Variants in AVPR1B observed in about 807,000 individuals in gnomAD.
The protein encoded by AVPR1B is arginine vasopressin receptor 1B.
Under a neutral mutation model 27.5 loss-of-function variants are expected in AVPR1B, and 25 were observed. The ratio of observed to expected loss-of-function variants is 0.91; its 90% CI spans 0.66 to 1.27. AVPR1B has a LOEUF of 1.27. AVPR1B is among the 50% of genes most tolerant of loss of function. The probability of loss-of-function intolerance (pLI) is 0.00; values close to 1 mark genes in which losing one functional copy is unlikely to be tolerated. For synonymous variants in AVPR1B, 248 were observed against 240.2 expected, an observed-to-expected ratio of 1.03 and a Z score of -0.30; for missense variants, 595 against 556.9, an observed-to-expected ratio of 1.07 and a Z score of -0.69.
At chr1:206,113,467 G>A (rs28588803) in intron 1 of AVPR1B, among the ~76,000 whole-genome samples, 21,867 of 152,230 alleles carry the variant, frequency 0.14, 1,853 homozygotes, top group African/African-American at 0.23. Context: ...CACATTGTCT[G>A]TAAGATAACC....
At chr1:206,115,808 A>C in intron 1 of AVPR1B, 143 bp downstream of exon 1, 1 of 720,710 alleles carries the variant, frequency 1.4e-6, no homozygotes, top group Non-Finnish European at 2.1e-6. Flanking sequence ...GCCCCTTTTC[A>C]CTTGGAGCAG....
rs1571880195 is a variant in AVPR1B, at chr1:206,108,315, G to T, written c.*1874C>A. ...GGGTCCTCCCATCTGCCTGAGCCTT[G>T]GTCCCATTAGGGTCTCACTCTCCAG... On this transcript the variant is annotated 3_prime_UTR_variant, in exon 2 of 2. Transcript: ENST00000367126. 6.6e-6 allele frequency among the ~76,000 whole-genome samples: 1 copy of T among 152,324 alleles called. No homozygotes were observed. The highest frequency in any genetic ancestry group is 1.9e-4 in the East Asian group (1 of 5,184).
Position 206,116,108 on chromosome 1 carries a change from C to T in AVPR1B, c.783G>A (p.Gly261=). The T allele has an allele frequency of 6.2e-7, 1 of 1,614,240 alleles. No homozygotes were observed. The highest frequency in any genetic ancestry group is 1.1e-5 in the South Asian group (1 of 91,092). The part of the protein sequence containing the change: ...SPSTLAATTR[G]LPSRVSSINT... ...TGATGCTGCTGACCCGAGATGGCAG[C>T]CCCCGAGTGGTGGCAGCTAAGGTGG... Residue 261 remains glycine, a synonymous_variant, in exon 1 of 2, where the codon GGG becomes GGA. Coordinates refer to ENST00000367126, the MANE Select transcript of AVPR1B (RefSeq NM_000707.5).
At position 206,116,157 on chromosome 1, in the gene AVPR1B, C is replaced by T; in HGVS notation, c.734G>A (p.Arg245Lys). 1 of 1,614,004 alleles carries T rather than the reference C, an allele frequency of 6.2e-7. No homozygotes were observed. Among genetic ancestry groups the T allele is most frequent in the Non-Finnish European group, 8.5e-7 (1 of 1,179,962 alleles). The part of the protein sequence containing the change: ...QAWRVGGGGW[R>K]TWDRPSPSTL... ...GGAAGGTGAGGGCCTGTCCCAAGTCCTCCAGCCCCCTCCTCCCACCCGCCA... is the reference window on the plus strand; with the variant it reads ...GGAAGGTGAGGGCCTGTCCCAAGTCTTCCAGCCCCCTCCTCCCACCCGCCA... Residue 245 changes from arginine (R) to lysine (K), a missense_variant, in exon 1 of 2, where the codon AGG (arginine) becomes AAG (lysine). Transcript: ENST00000367126.
At position 206,116,486 on chromosome 1, in the gene AVPR1B, A is replaced by T. The variant is rs782594136; in HGVS notation, c.405T>A (p.Ala135=). The part of the protein sequence containing the change: ...LLAMTLDRYL[A]VCHPLRSLQQ... ...GGAGGCTGCGCAGGGGGTGACAGACAGCCAGGTAGCGGTCCAGCGTCATGG... is the reference window on the plus strand; with the variant it reads ...GGAGGCTGCGCAGGGGGTGACAGACTGCCAGGTAGCGGTCCAGCGTCATGG... The change falls in exon 1 of 2, where the codon GCT becomes GCA. Residue 135 remains alanine (A), a synonymous_variant. Transcript: ENST00000367126. 6.2e-7 allele frequency: 1 copy of T among 1,614,018 alleles called. No homozygotes were observed. The highest frequency in any genetic ancestry group is 8.5e-7 in the Non-Finnish European group (1 of 1,179,990).
At position 206,116,708 on chromosome 1, in the gene AVPR1B, C is replaced by T. The variant is rs201263168; in HGVS notation, c.183G>A (p.Gln61=). Residue 61 remains glutamine, a synonymous_variant, in exon 1 of 2, where the codon CAG becomes CAA. Transcript: ENST00000367126. ...GCATGCGGGAGCGCTTGCGGCCCAGCTGGCCCAGGGTCAGCAGCACAGCCA... is the reference window on the plus strand; with the variant it reads ...GCATGCGGGAGCGCTTGCGGCCCAGTTGGCCCAGGGTCAGCAGCACAGCCA... The part of the protein sequence containing the change: ...GNLAVLLTLG[Q]LGRKRSRMHL... The T allele has an allele frequency of 1.2e-5, 20 of 1,608,526 alleles. No individual in the cohort carries two copies. The highest frequency in any genetic ancestry group is 1.7e-5 in the Non-Finnish European group (20 of 1,176,924).
Position 206,109,343 on chromosome 1 carries a change from G to A in AVPR1B, c.*846C>T, listed in dbSNP as rs1187736963. On this transcript the variant is annotated 3_prime_UTR_variant, in exon 2 of 2. Coordinates refer to ENST00000367126, the MANE Select transcript of AVPR1B (RefSeq NM_000707.5). ...GGAAAGAGCAGGCTGGATTCCCTGG[G>A]GGGTGGGTTGGGGAAAGGAGGGAGG... Among the ~76,000 whole-genome samples the A allele has an allele frequency of 6.6e-6, 1 of 152,090 alleles. No individual in the cohort carries two copies. Among genetic ancestry groups the A allele is most frequent in the Non-Finnish European group, 1.5e-5 (1 of 67,986 alleles).
chr1:206,115,505 A>G (rs1194841718), intron 1 of AVPR1B, among the ~76,000 whole-genome samples: 18 of 152,302 alleles, frequency 1.2e-4, no homozygotes, highest in African/African-American at 4.3e-4. Context: ...CAGGGTTTTC[A>G]TGTGCCAACC....
intron 1 of AVPR1B, among the ~76,000 whole-genome samples, chr1:206,111,375 T>A (rs1663373705): frequency 2.6e-5 from 4 of 152,202 alleles, no homozygotes; most frequent in Admixed American, 2.6e-4. Context: ...GAAACCCTCA[T>A]GTCAGCAGGA....
chr1:206,115,772 C>T (rs961397984), intron 1 of AVPR1B, among the ~76,000 whole-genome samples, 179 bp downstream of exon 1: 18 of 152,184 alleles, frequency 1.2e-4, no homozygotes, highest in Admixed American at 3.9e-4. Flanking sequence ...GACATGGCAT[C>T]GGTAGGCTGA....
In AVPR1B at chr1:206,116,932, G is replaced by T. The variant is rs782388449; in HGVS notation, c.-42C>A. ...GAGGGAAGGATGAAGGGAGGGTGTG[G>T]ATGCAAGTGGAGAGGTTTGATGGAT... On this transcript the variant is annotated 5_prime_UTR_variant, in exon 1 of 2. Coordinates refer to ENST00000367126, the MANE Select transcript of AVPR1B (RefSeq NM_000707.5). 6.5e-7 allele frequency: 1 copy of T among 1,533,578 alleles called. No homozygotes were observed. Among genetic ancestry groups the T allele is most frequent in the South Asian group, 1.2e-5 (1 of 82,332 alleles). The allele number at this position is 1,533,578 out of a possible 1,614,324, so 95.0% of individuals were successfully genotyped here.
intron 1 of AVPR1B, 109 bp from the exon 2 acceptor site, chr1:206,110,632 G>T: frequency 3.2e-6 from 3 of 941,884 alleles, no homozygotes; most frequent in Non-Finnish European, 4.7e-6. Flanking sequence ...GTCCTAGAGA[G>T]GGGAAAGGAG....
rs1663342429 is a variant in AVPR1B at position 206,109,939 on chromosome 1, G to C, written c.*250C>G. ...CATGGACACCCTATGAATATGGCAG[G>C]ACCAGGGAGACAGGCAGTTTGATTC... On this transcript the variant is annotated 3_prime_UTR_variant, in exon 2 of 2. Transcript: ENST00000367126. 1 of 537,634 alleles carries C rather than the reference G, an allele frequency of 1.9e-6. No individual in the cohort carries two copies. The highest frequency in any genetic ancestry group is 1.9e-5 in the African/African-American group (1 of 52,866). 33.3% of individuals were successfully genotyped at this position (537,634 alleles called of 1,614,324 possible).
intron 1 of AVPR1B, among the ~76,000 whole-genome samples, chr1:206,115,392 C>T (rs544878590): frequency 2.6e-5 from 4 of 152,180 alleles, no homozygotes; most frequent in Non-Finnish European, 5.9e-5. Context: ...ATTCTTTGTT[C>T]GTGGCACCAA....
chr1:206,110,148 C>A lies in AVPR1B; in HGVS notation c.*41G>T, dbSNP rs533120854. 5 of 1,554,204 alleles carry A rather than the reference C, an allele frequency of 3.2e-6. No individual in the cohort carries two copies. Among genetic ancestry groups the A allele is most frequent in the Non-Finnish European group, 3.5e-6 (4 of 1,147,908 alleles). On this transcript the variant is annotated 3_prime_UTR_variant, in exon 2 of 2. Coordinates refer to ENST00000367126, the MANE Select transcript of AVPR1B (RefSeq NM_000707.5). Reference sequence around the variant, plus strand: ...GTGCCCGAGGTGGGCAGAGAACCTCCACTAGTCCTGGGGGCAGTACCAGAC... The same window carrying A: ...GTGCCCGAGGTGGGCAGAGAACCTCAACTAGTCCTGGGGGCAGTACCAGAC...
Position 206,116,478 on chromosome 1 carries a change from TGACA to T in AVPR1B, c.409_412del (p.Cys137ThrfsTer40), listed in dbSNP as rs1370299695. On this transcript the variant is annotated frameshift_variant, in exon 1 of 2. Transcript: ENST00000367126. LOFTEE classifies it high-confidence loss of function. Reference sequence around the variant, plus strand: ...TGGCTGCTGGAGGCTGCGCAGGGGGTGACAGACAGCCAGGTAGCGGTCCAGCGTC... The same window carrying T: ...TGGCTGCTGGAGGCTGCGCAGGGGGTGACAGCCAGGTAGCGGTCCAGCGTC... The T allele has an allele frequency of 3.7e-6, 6 of 1,613,184 alleles. No individual in the cohort carries two copies. Among genetic ancestry groups the T allele is most frequent in the Non-Finnish European group, 5.1e-6 (6 of 1,179,862 alleles).
intron 1 of AVPR1B, among the ~76,000 whole-genome samples, chr1:206,112,786 G>A (rs782610529): frequency 6.6e-6 from 1 of 152,198 alleles, no homozygotes; most frequent in Admixed American, 6.5e-5. Flanking sequence ...ACCACACCCA[G>A]CCTGGCACCA....
rs1027507109 is a variant in AVPR1B at position 206,109,000 on chromosome 1, C to T, written c.*1189G>A. Among the ~76,000 whole-genome samples the T allele has an allele frequency of 6.6e-5, 10 of 152,236 alleles. No individual in the cohort carries two copies. Among genetic ancestry groups the T allele is most frequent in the Non-Finnish European group, 1.0e-4 (7 of 68,040 alleles). ...CCATTGTCATAAAAATGCAACAACT[C>T]TTCTAGACCCTGTTGGTTATAATAT... On this transcript the variant is annotated 3_prime_UTR_variant, in exon 2 of 2. Coordinates refer to ENST00000367126, the MANE Select transcript of AVPR1B (RefSeq NM_000707.5).
rs1353098747 is a variant in AVPR1B at position 206,116,429 on chromosome 1, G to A, written c.462C>T (p.Ile154=). Residue 154 remains isoleucine (I), a synonymous_variant, in exon 1 of 2, where the codon ATC becomes ATT. Transcript: ENST00000367126. Reference sequence around the variant, plus strand: ...TGGCGGCCAGCAGCCAGGGAGCAGCGATGAGCAGGTAGGTGGACTGGCCTG... The same window carrying A: ...TGGCGGCCAGCAGCCAGGGAGCAGCAATGAGCAGGTAGGTGGACTGGCCTG... ...QQPGQSTYLL[I]AAPWLLAAIF... The A allele has an allele frequency of 3.1e-6, 5 of 1,613,988 alleles. No individual in the cohort carries two copies. The highest frequency in any genetic ancestry group is 2.2e-5 in the South Asian group (2 of 91,092).
Sources: allele counts gnomAD v4.1 joint callset (sites outside exome capture counted in the v4.1 genomes callset), GRCh38; gene constraint gnomAD v4.1.1; transcripts MANE v1.5; gene names NCBI Gene and HGNC (gene_info 2026-07-23, HGNC 2026-07-21).